The following HIVEP3 variants were observed in gnomAD, a reference collection of about 807,000 sequenced individuals.
HIVEP3 encodes the protein HIVEP zinc finger 3.
In HIVEP3, 49 loss-of-function variants were observed where a neutral mutation model predicts 152.8. The observed-to-expected ratio is 0.32, with a 90% CI of 0.26 to 0.41. The LOEUF (loss-of-function observed/expected upper bound fraction) is 0.41, where lower values mean the gene tolerates loss of function less well. Among genes scored for constraint, HIVEP3 ranks in the 10% least tolerant of loss-of-function variants. The probability of loss-of-function intolerance (pLI) is 1.00; values close to 1 mark genes in which losing one functional copy is unlikely to be tolerated. For synonymous variants in HIVEP3, 1,269 were observed against 1,289.0 expected, an observed-to-expected ratio of 0.98 and a Z score of 0.33; for missense variants, 2,790 against 3,103.3, an observed-to-expected ratio of 0.90 and a Z score of 2.40.
chr1:41,929,726 T>TTATATATCTATATATATATATATA (rs1644986949), intron 1 of HIVEP3, among the ~76,000 whole-genome samples: 1 of 112,810 alleles, frequency 8.9e-6, no homozygotes, highest in Non-Finnish European at 1.7e-5. Context: ...ATATGTGTTT[T>TTATATATCTATATATATATATATA]TATATATATA....
chr1:41,560,437 A>G (rs1644042160), intron 5 of HIVEP3, among the ~76,000 whole-genome samples: 1 of 152,200 alleles, frequency 6.6e-6, no homozygotes, highest in African/African-American at 2.4e-5. Flanking sequence ...GCCCTGGGCA[A>G]CTGTTTCATG....
intron 1 of HIVEP3, among the ~76,000 whole-genome samples, chr1:42,030,867 T>C (rs1013570175): frequency 6.6e-6 from 1 of 152,248 alleles, no homozygotes; most frequent in African/African-American, 2.4e-5. Context: ...GTATTCTATT[T>C]TCTCCATTTT....
chr1:41,812,596 T>C (rs1651027938), intron 1 of HIVEP3, among the ~76,000 whole-genome samples: 2 of 152,174 alleles, frequency 1.3e-5, no homozygotes, highest in East Asian at 1.9e-4. Flanking sequence ...CTGTATTGTG[T>C]TCCCATCTGG....
intron 1 of HIVEP3, among the ~76,000 whole-genome samples, chr1:41,724,714 C>A (rs1034090082): frequency 1.3e-5 from 2 of 152,208 alleles, no homozygotes; most frequent in Non-Finnish European, 2.9e-5. Flanking sequence ...GTGAGCCCCT[C>A]CCCAGCCATC....
intron 2 of HIVEP3, among the ~76,000 whole-genome samples, chr1:41,686,058 T>C (rs1439648804): frequency 6.7e-6 from 1 of 148,976 alleles, no homozygotes; most frequent in Non-Finnish European, 1.5e-5. Context: ...TGTTTGTTTG[T>C]TTGTTTTGTT....
chr1:41,963,008 TTTTTTTG>T (rs1222904365), intron 1 of HIVEP3, among the ~76,000 whole-genome samples: 1 of 152,184 alleles, frequency 6.6e-6, no homozygotes, highest in Non-Finnish European at 1.5e-5. Flanking sequence ...AAAAGTTGTT[TTTTTTTG>T]TTTTTTGTTT....
At chr1:42,024,285 G>A (rs1645570441) in intron 1 of HIVEP3, among the ~76,000 whole-genome samples, 1 of 152,072 alleles carries the variant, frequency 6.6e-6, no homozygotes, top group South Asian at 2.1e-4. Context: ...CCCTAATAAT[G>A]TTTTTAATCA....
chr1:42,020,041 C>A (rs903776554), intron 1 of HIVEP3, among the ~76,000 whole-genome samples: 1 of 151,962 alleles, frequency 6.6e-6, no homozygotes. Flanking sequence ...TCTTGAATTC[C>A]TAAAGTTTAT....
chr1:41,773,173 T>C (rs138868943), intron 1 of HIVEP3, among the ~76,000 whole-genome samples: 282 of 152,332 alleles, frequency 1.9e-3, no homozygotes, highest in African/African-American at 6.5e-3. Context: ...TTCATCTAAA[T>C]GCCAGCTTTG....
intron 5 of HIVEP3, among the ~76,000 whole-genome samples, chr1:41,527,475 T>C (rs371055222): frequency 3.1e-5 from 2 of 64,112 alleles, no homozygotes; most frequent in Non-Finnish European, 6.5e-5. Context: ...CACACTCACC[T>C]TCATACTCAC....
At chr1:41,920,596 G>GTTTGT (rs1644935311), upstream of HIVEP3, among the ~76,000 whole-genome samples, 1 of 133,468 alleles carries the variant, frequency 7.5e-6, no homozygotes, top group African/African-American at 3.4e-5. Context: ...TTTTTGTTTT[G>GTTTGT]TTTTTTACCC....
At chr1:41,685,452 C>T (rs774143526) in intron 2 of HIVEP3, among the ~76,000 whole-genome samples, 1 of 152,202 alleles carries the variant, frequency 6.6e-6, no homozygotes, top group Non-Finnish European at 1.5e-5. Flanking sequence ...CTGTAAGTTC[C>T]TCAAGGGAAC....
intron 1 of HIVEP3, among the ~76,000 whole-genome samples, chr1:41,881,025 G>C (rs1249425073): frequency 1.3e-5 from 2 of 152,100 alleles, no homozygotes; most frequent in Non-Finnish European, 2.9e-5. Flanking sequence ...ATACTGAATC[G>C]CAATATTCCA....
At chr1:41,794,489 CT>C (rs1014054119) in intron 1 of HIVEP3, among the ~76,000 whole-genome samples, 1 of 152,124 alleles carries the variant, frequency 6.6e-6, no homozygotes, top group African/African-American at 2.4e-5. Flanking sequence ...GAACTATTTG[CT>C]TTTATACTGC....
intron 1 of HIVEP3, among the ~76,000 whole-genome samples, chr1:41,893,449 G>C (rs1644478500): frequency 6.6e-6 from 1 of 152,126 alleles, no homozygotes; most frequent in Admixed American, 6.5e-5. Flanking sequence ...TCACATCTGG[G>C]GGTCAGGGGG....
chr1:41,865,680 C>T (rs1643956639), intron 1 of HIVEP3: 1 of 152,182 alleles, frequency 6.6e-6, no homozygotes, highest in Non-Finnish European at 1.5e-5. Context: ...GATTGGAATA[C>T]AGCTTGTGAA....
At chr1:41,883,488 GC>G (rs1254104507) in intron 1 of HIVEP3, among the ~76,000 whole-genome samples, 2 of 152,186 alleles carry the variant, frequency 1.3e-5, no homozygotes, top group Non-Finnish European at 2.9e-5. Flanking sequence ...CCTGCGAAAT[GC>G]TTGTGAGGTT....
chr1:41,839,099 C>T lies in HIVEP3; in HGVS notation c.-801+79314G>A, dbSNP rs550047663. Among the ~76,000 whole-genome samples, 39 of 152,270 alleles carry T rather than the reference C, an allele frequency of 2.6e-4. 1 individual carries two copies. The South Asian group carries it at 8.1e-3, about 32-fold the overall frequency. On this transcript the variant is annotated intron_variant, in intron 1 of 8. Coordinates refer to ENST00000372583, the MANE Select transcript of HIVEP3 (RefSeq NM_024503.5). ...GTGTGACCTTGTCAAGTTTCTCTAC[C>T]TCTCTGAACCTCCAGTTCTTGGTCT...
chr1:41,546,739 C>T (rs528114620), intron 5 of HIVEP3, among the ~76,000 whole-genome samples: 16 of 152,344 alleles, frequency 1.1e-4, no homozygotes, highest in African/African-American at 3.6e-4. Context: ...CTCCCTGCAT[C>T]AGGCCTGGTG....
Sources: gnomAD v4.1 joint callset for allele counts (sites outside exome capture counted in the v4.1 genomes callset) on GRCh38, gnomAD v4.1.1 for gene constraint, MANE v1.5 for transcripts, NCBI Gene and HGNC (gene_info 2026-07-23, HGNC 2026-07-21) for gene names.